Variants in CHRM3 observed in about 807,000 individuals in gnomAD.
CHRM3 encodes muscarinic acetylcholine receptor M3.
In CHRM3, 11 loss-of-function variants were observed where a neutral mutation model predicts 41.8. The observed-to-expected ratio is 0.26, with a 90% CI of 0.17 to 0.44. The LOEUF (loss-of-function observed/expected upper bound fraction) is 0.44, where lower values mean the gene tolerates loss of function less well. Among genes scored for constraint, CHRM3 ranks in the 20% least tolerant of loss-of-function variants. The pLI is 1.00. For missense variants in CHRM3, 571 were observed against 745.4 expected (o/e 0.77, Z 2.72); for synonymous variants, 297 against 301.4 (o/e 0.99, Z 0.15).
intron 3 of CHRM3, among the ~76,000 whole-genome samples, chr1:239,574,421 TG>T (rs1206573310): frequency 6.6e-6 from 1 of 152,044 alleles, no homozygotes; most frequent in African/African-American, 2.4e-5. Flanking sequence ...TGGGGCCCTT[TG>T]TCCAGCGCTG....
At chr1:239,522,610 T>C (rs1051120865) in intron 2 of CHRM3, among the ~76,000 whole-genome samples, 5 of 152,222 alleles carry the variant, frequency 3.3e-5, no homozygotes, top group Admixed American at 3.3e-4. Flanking sequence ...ATGTATGTTC[T>C]CTGCATATTC....
At chr1:239,588,837 T>C (rs1273623021) in intron 3 of CHRM3, among the ~76,000 whole-genome samples, 1 of 152,162 alleles carries the variant, frequency 6.6e-6, no homozygotes, top group Non-Finnish European at 1.5e-5. Context: ...TTCTCAAATG[T>C]CCAGACCACT....
At chr1:239,751,768 GAAC>G (rs1445586198) in intron 5 of CHRM3, among the ~76,000 whole-genome samples, 2 of 152,028 alleles carry the variant, frequency 1.3e-5, no homozygotes, top group Non-Finnish European at 2.9e-5. Flanking sequence ...TACAAAACAA[GAAC>G]AACAATAGGA....
intron 3 of CHRM3, among the ~76,000 whole-genome samples, chr1:239,598,977 C>T (rs1192281171): frequency 6.6e-6 from 1 of 151,840 alleles, no homozygotes; most frequent in Admixed American, 6.6e-5. Flanking sequence ...CTAATCTCTT[C>T]CTGGCTGCTC....
At chr1:239,583,447 A>C (rs1468331444) in intron 3 of CHRM3, among the ~76,000 whole-genome samples, 1 of 152,218 alleles carries the variant, frequency 6.6e-6, no homozygotes, top group Non-Finnish European at 1.5e-5. Context: ...GAGAGCTATA[A>C]GGCACAATCC....
At chr1:239,404,668 C>T (rs982464171) in intron 1 of CHRM3, among the ~76,000 whole-genome samples, 15 of 143,154 alleles carry the variant, frequency 1.0e-4, no homozygotes, top group Middle Eastern at 3.5e-3. Flanking sequence ...CAGATGTCCG[C>T]TGGAAAATTA....
chr1:239,828,437 A>G (rs1452113527), intron 6 of CHRM3, among the ~76,000 whole-genome samples: 1 of 152,138 alleles, frequency 6.6e-6, no homozygotes. Flanking sequence ...TGGGACCATA[A>G]CTGGCATGAA....
chr1:239,548,211 C>A (rs1002660424), intron 3 of CHRM3, among the ~76,000 whole-genome samples: 6 of 151,906 alleles, frequency 3.9e-5, no homozygotes, highest in Admixed American at 3.9e-4. Context: ...ATAATTTGTT[C>A]CCAAGGTGGA....
intron 5 of CHRM3, among the ~76,000 whole-genome samples, chr1:239,742,569 A>G (rs1309038171): frequency 1.3e-5 from 2 of 152,112 alleles, no homozygotes; most frequent in African/African-American, 4.8e-5. Flanking sequence ...CACAAATGTC[A>G]TGCTCTTCCC....
intron 6 of CHRM3, among the ~76,000 whole-genome samples, chr1:239,905,537 C>T (rs1324167567): frequency 6.6e-6 from 1 of 152,050 alleles, no homozygotes; most frequent in Admixed American, 6.6e-5. Flanking sequence ...GAAACCCCAT[C>T]TCTACTAAAA....
rs547078711 is a variant in CHRM3 at position 239,812,315 on chromosome 1, C to T, written c.-146-14937C>T. ...TTGGCCTCCCAAAGTAATGGGATTA[C>T]AGGCATGAATCACTGTGGCTGGCCA... On this transcript the variant is annotated intron_variant, in intron 5 of 6. Coordinates refer to ENST00000676153, the MANE Select transcript of CHRM3 (RefSeq NM_001375978.1). Among the ~76,000 whole-genome samples, 18 of 152,324 alleles carry T rather than the reference C, an allele frequency of 1.2e-4. No individual in the cohort carries two copies. In the South Asian group the frequency reaches 3.5e-3, roughly 30 times the overall value.
chr1:239,451,590 G>C (rs1317315121), intron 1 of CHRM3, among the ~76,000 whole-genome samples: 1 of 152,116 alleles, frequency 6.6e-6, no homozygotes, highest in Non-Finnish European at 1.5e-5. Context: ...CACACATGTA[G>C]AGCACTTGAA....
intron 6 of CHRM3, among the ~76,000 whole-genome samples, chr1:239,875,316 C>A (rs1477661794): frequency 6.6e-6 from 1 of 152,200 alleles, no homozygotes; most frequent in Non-Finnish European, 1.5e-5. Context: ...ATATTTTAGG[C>A]TTTGCCATCG....
chr1:239,845,095 A>G (rs1674156633), intron 6 of CHRM3, among the ~76,000 whole-genome samples: 1 of 152,202 alleles, frequency 6.6e-6, no homozygotes, highest in South Asian at 2.1e-4. Flanking sequence ...AGAGATTGTA[A>G]TCAAATCACA....
At chr1:239,847,580 A>C (rs966827585) in intron 6 of CHRM3, among the ~76,000 whole-genome samples, 1 of 152,070 alleles carries the variant, frequency 6.6e-6, no homozygotes, top group East Asian at 1.9e-4. Context: ...AAAAATAACC[A>C]CCAGGTGCAG....
intron 3 of CHRM3, among the ~76,000 whole-genome samples, chr1:239,587,185 C>T (rs185149968): frequency 4.2e-4 from 64 of 152,326 alleles, no homozygotes; most frequent in Non-Finnish European, 7.9e-4. Context: ...GGCCTCACCT[C>T]CACGTGCTGT....
chr1:239,611,621 A>G (rs112703112), intron 3 of CHRM3, among the ~76,000 whole-genome samples: 2,515 of 151,994 alleles, frequency 0.017, 52 homozygotes, highest in African/African-American at 0.049. Flanking sequence ...GGGTTTCACC[A>G]TGTTGGCCAG....
intron 1 of CHRM3, among the ~76,000 whole-genome samples, chr1:239,471,875 G>A (rs900763947): frequency 2.0e-4 from 31 of 152,326 alleles, no homozygotes; most frequent in African/African-American, 7.0e-4. Flanking sequence ...GGCCTGCCCA[G>A]CAAAGCCTGT....
chr1:239,501,845 ACT>A (rs1668261283), intron 2 of CHRM3, among the ~76,000 whole-genome samples: 1 of 151,920 alleles, frequency 6.6e-6, no homozygotes, highest in African/African-American at 2.4e-5. Flanking sequence ...ACAGAGCAAG[ACT>A]CTGTCTCAAA....
Sources: gnomAD v4.1 joint callset for allele counts (sites outside exome capture counted in the v4.1 genomes callset) on GRCh38, gnomAD v4.1.1 for gene constraint, MANE v1.5 for transcripts, NCBI Gene and HGNC (gene_info 2026-07-23, HGNC 2026-07-21) for gene names.